Variants in ACADL observed in about 807,000 individuals in gnomAD.
ACADL encodes long-chain specific acyl-CoA dehydrogenase, mitochondrial.
A neutral mutation model predicts 56.9 loss-of-function variants in ACADL; 60 were observed. The ratio of observed to expected loss-of-function variants is 1.05; its 90% CI spans 0.86 to 1.31. ACADL has a LOEUF of 1.31. Among genes scored for constraint, ACADL ranks in the 50% most tolerant of loss-of-function variants. The pLI is 0.00. For synonymous variants in ACADL, 158 were observed against 179.7 expected (o/e 0.88, Z 0.97); for missense variants, 484 against 525.5 (o/e 0.92, Z 0.77).
chr2:210,195,405 C>A, intron 8 of ACADL, 67 bp from the exon 9 acceptor site: 1 of 1,493,224 alleles, frequency 6.7e-7, no homozygotes, highest in Non-Finnish European at 9.3e-7. Context: ...ACCCACTTAA[C>A]ATATCAGAAA....
chr2:210,214,467 A>AAAAGAAAGAAAG (rs60795055), intron 4 of ACADL, among the ~76,000 whole-genome samples: 6,858 of 122,358 alleles, frequency 0.056, 335 homozygotes, highest in East Asian at 0.12. Context: ...GACCTTCCAA[A>AAAAGAAAGAAAG]AAAGAAAGAA....
intron 3 of ACADL, chr2:210,217,711 G>T (rs898593504): frequency 6.8e-6 from 3 of 443,296 alleles, no homozygotes; most frequent in Non-Finnish European, 1.2e-5. Flanking sequence ...CATAAGCATT[G>T]ACAGGAAAAA....
At chr2:210,193,728 G>A (rs572703874) in intron 9 of ACADL, among the ~76,000 whole-genome samples, 2 of 151,990 alleles carry the variant, frequency 1.3e-5, no homozygotes, top group African/African-American at 4.8e-5. Flanking sequence ...TTGGGATACA[G>A]TGGCACAATC....
intron 3 of ACADL, chr2:210,217,458 C>T (rs1211298840): frequency 6.5e-6 from 1 of 154,332 alleles, no homozygotes; most frequent in African/African-American, 2.4e-5. Flanking sequence ...TTTATAGATG[C>T]TCAAAATGAT....
At chr2:210,197,301 C>G (rs563076400) in intron 8 of ACADL, among the ~76,000 whole-genome samples, 1 of 152,126 alleles carries the variant, frequency 6.6e-6, no homozygotes, top group Non-Finnish European at 1.5e-5. Context: ...TCTCTGTATT[C>G]TGGCCTCTAG....
At chr2:210,221,002 G>GAAGTAC (rs1191802427) in intron 1 of ACADL, among the ~76,000 whole-genome samples, 200 bp from the exon 2 acceptor site, 1 of 152,256 alleles carries the variant, frequency 6.6e-6, no homozygotes, top group Non-Finnish European at 1.5e-5. Context: ...CTGGAATTAA[G>GAAGTAC]AAGTACCTTA....
intron 1 of ACADL, among the ~76,000 whole-genome samples, chr2:210,221,431 A>G (rs1042697158): frequency 2.6e-5 from 4 of 152,224 alleles, no homozygotes; most frequent in Non-Finnish European, 4.4e-5. Context: ...CCTTTAGTTC[A>G]GTGGTCTTCA....
chr2:210,195,209 A>T lies in ACADL; in HGVS notation c.1112+2T>A. ...GCACTCTAATTACTGTAGCATGCAT[A>T]CCAATATTTCGCCATGCAAGCAGTG... is the stretch of plus-strand genomic sequence containing the variant. On this transcript the variant is annotated splice_donor_variant, in intron 9 of 10. Coordinates refer to ENST00000233710, the MANE Select transcript of ACADL (RefSeq NM_001608.4). LOFTEE classifies it high-confidence loss of function. 6.2e-7 allele frequency: 1 copy of T among 1,613,832 alleles called. No individual in the cohort carries two copies. The highest frequency in any genetic ancestry group is 8.5e-7 in the Non-Finnish European group (1 of 1,179,864).
chr2:210,193,123 G>A (rs1688662413), intron 9 of ACADL, among the ~76,000 whole-genome samples: 1 of 152,064 alleles, frequency 6.6e-6, no homozygotes, highest in Non-Finnish European at 1.5e-5. Context: ...CTAGGTTTTT[G>A]TTAGGCTAGA....
chr2:210,212,550 T>A (rs1241464663), intron 4 of ACADL, among the ~76,000 whole-genome samples: 1 of 152,166 alleles, frequency 6.6e-6, no homozygotes, highest in Admixed American at 6.5e-5. Context: ...CTTTTAGCCT[T>A]CAGAACTGTA....
chr2:210,202,449 C>G (rs1688808714), intron 8 of ACADL, among the ~76,000 whole-genome samples: 1 of 152,134 alleles, frequency 6.6e-6, no homozygotes, highest in African/African-American at 2.4e-5. Context: ...TTTCTACCAA[C>G]AGAGTGATGT....
intron 9 of ACADL, 103 bp from the exon 10 acceptor site, chr2:210,192,993 A>G (rs1688659349): frequency 1.2e-6 from 1 of 856,440 alleles, no homozygotes; most frequent in African/African-American, 1.7e-5. Flanking sequence ...TTAAATGTGC[A>G]CATTTATTAA....
intron 8 of ACADL, among the ~76,000 whole-genome samples, chr2:210,199,744 CA>C (rs1213134498): frequency 1.3e-5 from 2 of 152,114 alleles, no homozygotes; most frequent in African/African-American, 4.8e-5. Flanking sequence ...TTTTTGTATT[CA>C]TTTTTGTGGG....
At chr2:210,208,482 A>G (rs1275277170) in intron 5 of ACADL, among the ~76,000 whole-genome samples, 1 of 152,180 alleles carries the variant, frequency 6.6e-6, no homozygotes, top group African/African-American at 2.4e-5. Flanking sequence ...CCTAATTATG[A>G]CACTCCAAAG....
chr2:210,207,601 C>T (rs994742019), intron 5 of ACADL, among the ~76,000 whole-genome samples: 10 of 152,084 alleles, frequency 6.6e-5, no homozygotes, highest in Admixed American at 1.3e-4. Context: ...CTGGGTTAAG[C>T]GGTCCTACAA....
chr2:210,224,690 C>T, intron 1 of ACADL: 3 of 986,500 alleles, frequency 3.0e-6, no homozygotes, highest in Non-Finnish European at 3.6e-6. Context: ...AATTCTGGTC[C>T]GCGCCGCAGC....
At chr2:210,215,494 C>T (rs896087460) in intron 4 of ACADL, among the ~76,000 whole-genome samples, 3 of 152,174 alleles carry the variant, frequency 2.0e-5, no homozygotes, top group African/African-American at 7.2e-5. Context: ...TCTCTTGCTC[C>T]ATCTTCTTTT....
intron 4 of ACADL, among the ~76,000 whole-genome samples, chr2:210,214,467 A>AAAAAGAAAGAAAG (rs768537049): frequency 1.6e-5 from 2 of 122,336 alleles, no homozygotes; most frequent in South Asian, 2.9e-4. Flanking sequence ...GACCTTCCAA[A>AAAAAGAAAGAAAG]AAAGAAAGAA....
intron 4 of ACADL, among the ~76,000 whole-genome samples, chr2:210,214,123 A>C (rs1230720416): frequency 2.0e-5 from 3 of 152,190 alleles, no homozygotes; most frequent in Non-Finnish European, 4.4e-5. Context: ...CCTCCATGGA[A>C]GGGGAAAGGG....
Sources: gnomAD v4.1 joint callset for allele counts (sites outside exome capture counted in the v4.1 genomes callset) on GRCh38, gnomAD v4.1.1 for gene constraint, MANE v1.5 for transcripts, NCBI Gene and HGNC (gene_info 2026-07-23, HGNC 2026-07-21) for gene names.